ZSWIM4: variants seen among roughly 807,000 people sequenced by gnomAD.
ZSWIM4 encodes the protein zinc finger SWIM domain-containing protein 4.
ZSWIM4 carries 62 observed loss-of-function variants against 102.5 expected under a neutral mutation model. That is an observed-to-expected ratio of 0.60 (90% CI 0.49 to 0.75). ZSWIM4 has a LOEUF of 0.75. ZSWIM4 is among the 30% of genes least tolerant of loss of function. The pLI is 0.00. For missense variants in ZSWIM4, 1,280 were observed against 1,529.6 expected, an observed-to-expected ratio of 0.84 and a Z score of 2.72; for synonymous variants, 652 against 674.5, an observed-to-expected ratio of 0.97 and a Z score of 0.52.
intron 10 of ZSWIM4, among the ~76,000 whole-genome samples, chr19:13,820,591 C>A (rs1339980129): frequency 1.3e-5 from 2 of 152,194 alleles, no homozygotes; most frequent in Non-Finnish European, 2.9e-5. Flanking sequence ...TGAAAAGATA[C>A]ACAAAGCTGA....
rs1457148041 is a variant in ZSWIM4, at chr19:13,830,444, C to T, written c.2715C>T (p.Ala905=). Residue 905 remains alanine (A), a synonymous_variant, in exon 14 of 14, where the codon GCC becomes GCT. Transcript: ENST00000590508. The stretch of plus-strand genomic sequence containing the variant: ...AGAACCACTCGGCCTTCGAGGCGGC[C>T]TACCAGATCGTGCTGGACGCGGCGG... ...CEKNHSAFEA[A]YQIVLDAAAG... 2 of 1,608,270 alleles carry T rather than the reference C, an allele frequency of 1.2e-6. No homozygotes were observed. Among genetic ancestry groups the T allele is most frequent in the Non-Finnish European group, 1.7e-6 (2 of 1,179,890 alleles).
chr19:13,803,784 G>A (rs1239310333), intron 2 of ZSWIM4, among the ~76,000 whole-genome samples: 6 of 118,950 alleles, frequency 5.0e-5, no homozygotes, highest in African/African-American at 2.2e-4. Flanking sequence ...CAGCCTGGGT[G>A]ACAGAGCAAG....
intron 11 of ZSWIM4, among the ~76,000 whole-genome samples, chr19:13,823,792 A>G (rs1402549644): frequency 6.6e-6 from 1 of 152,204 alleles, no homozygotes; most frequent in Non-Finnish European, 1.5e-5. Context: ...TGAACATTTA[A>G]GCAGAGACCT....
chr19:13,818,515 C>T (rs114036247), intron 9 of ZSWIM4, among the ~76,000 whole-genome samples: 1,545 of 152,322 alleles, frequency 0.01, 21 homozygotes, highest in African/African-American at 0.036. Flanking sequence ...GTATCTGAGT[C>T]CTGCTCCTCA....
At chr19:13,827,571 C>CGACA (rs1159624143) in intron 12 of ZSWIM4, among the ~76,000 whole-genome samples, 6 of 127,966 alleles carry the variant, frequency 4.7e-5, no homozygotes, top group Non-Finnish European at 6.2e-5. Flanking sequence ...TCAGCCCCGG[C>CGACA]GACAGAGTGA....
chr19:13,831,363 G>C lies in ZSWIM4; in HGVS notation c.*313G>C, dbSNP rs773697514. The C allele has an allele frequency of 3.1e-5, 9 of 287,838 alleles. No individual in the cohort carries two copies. The highest frequency in any genetic ancestry group is 5.2e-5 in the Non-Finnish European group (8 of 154,666). The allele number at this position is 287,838 out of a possible 1,614,324, so 17.8% of individuals were successfully genotyped here. On this transcript the variant is annotated 3_prime_UTR_variant, in exon 14 of 14. Transcript: ENST00000590508. ...AAACTCCCCTTACCCAGACTGGCTT[G>C]GGCTCCAGGAGGGAGGCTGGGAGGC...
At chr19:13,812,396 C>A (rs1010068619) in intron 5 of ZSWIM4, among the ~76,000 whole-genome samples, 1 of 151,080 alleles carries the variant, frequency 6.6e-6, no homozygotes, top group Non-Finnish European at 1.5e-5. Flanking sequence ...TGGGTTGAAG[C>A]GATTCTTGTG....
chr19:13,831,160 G>A lies in ZSWIM4; in HGVS notation c.*110G>A. The A allele has an allele frequency of 1.4e-6, 2 of 1,418,754 alleles. No individual in the cohort carries two copies. Among genetic ancestry groups the A allele is most frequent in the Non-Finnish European group, 1.9e-6 (2 of 1,067,466 alleles). The allele number at this position is 1,418,754 out of a possible 1,614,324, so 87.9% of individuals were successfully genotyped here. ...TCAGTATTATTAAGTCAGGGAAGGAGCCCGGCTGGAGATGGGGGCAGGGGG... is the reference window on the plus strand; with the variant it reads ...TCAGTATTATTAAGTCAGGGAAGGAACCCGGCTGGAGATGGGGGCAGGGGG... On this transcript the variant is annotated 3_prime_UTR_variant, in exon 14 of 14. Transcript: ENST00000590508.
intron 6 of ZSWIM4, among the ~76,000 whole-genome samples, chr19:13,813,612 G>A (rs1248460450): frequency 1.3e-5 from 2 of 151,042 alleles, no homozygotes; most frequent in East Asian, 1.9e-4. Flanking sequence ...TGAGGAGAGA[G>A]GGAAAAAAAA....
chr19:13,799,448 T>A (rs1218088018), intron 1 of ZSWIM4, among the ~76,000 whole-genome samples: 1 of 151,768 alleles, frequency 6.6e-6, no homozygotes, highest in East Asian at 1.9e-4. Flanking sequence ...TAATTTTTTT[T>A]ATCTTTAGTA....
chr19:13,795,989 C>T (rs187396239), intron 1 of ZSWIM4, among the ~76,000 whole-genome samples, 188 bp downstream of exon 1: 235 of 149,892 alleles, frequency 1.6e-3, no homozygotes, highest in African/African-American at 5.5e-3. Flanking sequence ...GTCCTTCAAA[C>T]CCAGTAACCC....
rs569430326 is a variant in ZSWIM4 at position 13,825,117 on chromosome 19, G to A, written c.2216-433G>A. On this transcript the variant is annotated intron_variant, in intron 11 of 13. Transcript: ENST00000590508. The surrounding 1 kb of genome is among the most constrained non-coding windows in gnomAD (Gnocchi z 4.6). ...TGCAGTGGTGCCATCTCAGCTGACT[G>A]CAACCTCTGCCTCCCGGGTTCAAGC... 2.5e-4 allele frequency among the ~76,000 whole-genome samples: 38 copies of A among 150,912 alleles called. No individual in the cohort carries two copies. The highest frequency in any genetic ancestry group is 9.0e-4 in the African/African-American group (37 of 40,944).
chr19:13,817,001 A>G (rs993157715), intron 7 of ZSWIM4, among the ~76,000 whole-genome samples: 1 of 152,114 alleles, frequency 6.6e-6, no homozygotes, highest in Non-Finnish European at 1.5e-5. Flanking sequence ...CTTGAGCTCC[A>G]GAGGCTGCAG....
At chr19:13,803,353 C>T (rs1003759188) in intron 2 of ZSWIM4, among the ~76,000 whole-genome samples, 10 of 152,348 alleles carry the variant, frequency 6.6e-5, no homozygotes, top group African/African-American at 2.2e-4. Flanking sequence ...GCCCCTCGCC[C>T]CAAGCGCCAC....
intron 12 of ZSWIM4, among the ~76,000 whole-genome samples, chr19:13,826,260 G>T (rs920520654): frequency 6.6e-6 from 1 of 152,016 alleles, no homozygotes; most frequent in Non-Finnish European, 1.5e-5. Flanking sequence ...GAGCCTGGGG[G>T]TGGGGCCTGG....
chr19:13,827,656 G>A (rs117942287), intron 12 of ZSWIM4, among the ~76,000 whole-genome samples: 2,377 of 151,268 alleles, frequency 0.016, 28 homozygotes, highest in Non-Finnish European at 0.025. Context: ...GAACAAACAA[G>A]GGCCAGCAGG....
chr19:13,830,066 G>A, intron 13 of ZSWIM4, 125 bp from the exon 14 acceptor site: 1 of 1,249,932 alleles, frequency 8.0e-7, no homozygotes, highest in Non-Finnish European at 1.1e-6. Context: ...ATTTGGAAAG[G>A]AAGTTTCTGT....
chr19:13,828,554 A>G (rs1042442459), intron 12 of ZSWIM4, 91 bp from the exon 13 acceptor site: 7 of 1,118,640 alleles, frequency 6.3e-6, no homozygotes, highest in Admixed American at 1.8e-5. Flanking sequence ...TTAACCTCCA[A>G]GTGTTTCTGG....
chr19:13,817,713 C>G lies in ZSWIM4; in HGVS notation c.1670-9C>G. 1.2e-6 allele frequency: 2 copies of G among 1,607,492 alleles called. No homozygotes were observed. The highest frequency in any genetic ancestry group is 1.7e-6 in the Non-Finnish European group (2 of 1,177,816). On this transcript the variant is annotated splice_polypyrimidine_tract_variant and intron_variant, in intron 8 of 13. Transcript: ENST00000590508. The stretch of plus-strand genomic sequence containing the variant: ...CCGTCTCCAGCAGCCCTGGCCCTGT[C>G]TCCCCCAGACTCAGGCCCCGAGAAG...
Sources: allele counts gnomAD v4.1 joint callset (sites outside exome capture counted in the v4.1 genomes callset), GRCh38; gene constraint gnomAD v4.1.1; non-coding constraint Gnocchi (gnomAD v3.1); transcripts MANE v1.5; gene names NCBI Gene and HGNC (gene_info 2026-07-23, HGNC 2026-07-21).